TMEM178B: variants seen among roughly 807,000 people sequenced by gnomAD.
TMEM178B encodes transmembrane protein 178B.
In TMEM178B, 5 loss-of-function variants were observed where a neutral mutation model predicts 31.0. The observed-to-expected ratio is 0.16, with a 90% CI of 0.08 to 0.34. The LOEUF is 0.34. Ranked by LOEUF, TMEM178B falls within the 10% of genes least tolerant of loss-of-function variation. The pLI is 1.00. For synonymous variants in TMEM178B, 164 were observed against 164.0 expected, an observed-to-expected ratio of 1.00 and a Z score of 0.00; for missense variants, 275 against 400.3, an observed-to-expected ratio of 0.69 and a Z score of 2.67.
chr7:141,396,583 C>T lies in TMEM178B; in HGVS notation c.497-41025C>T, dbSNP rs77120313. Among the ~76,000 whole-genome samples, 115 of 152,324 alleles carry T rather than the reference C, an allele frequency of 7.5e-4. No homozygotes were observed. The East Asian group carries it at 0.01, about 14-fold the overall frequency. ...CTGGGACTAGAAAAGTTTCAACCCA[C>T]GCTTGGGCTGACCACTGCCTTTCTT... On this transcript the variant is annotated intron_variant, in intron 2 of 3. Transcript: ENST00000565468.
intron 1 of TMEM178B, among the ~76,000 whole-genome samples, chr7:141,137,239 A>G (rs1795689218): frequency 6.6e-6 from 1 of 152,208 alleles, no homozygotes; most frequent in Non-Finnish European, 1.5e-5. Flanking sequence ...AGAAATCAGT[A>G]TATCAAAGGG....
At chr7:141,188,228 T>C (rs552713299) in intron 1 of TMEM178B, among the ~76,000 whole-genome samples, 49 of 152,172 alleles carry the variant, frequency 3.2e-4, no homozygotes, top group Non-Finnish European at 6.0e-4. Context: ...CCCGAACTCA[T>C]TGGATCATCA....
chr7:141,188,107 A>G lies in TMEM178B; in HGVS notation c.383-24484A>G, dbSNP rs62486657. On this transcript the variant is annotated intron_variant, in intron 1 of 3. Transcript: ENST00000565468. ...CATTTAAGTCTTTAATCCATCTTGA[A>G]TTAATTTTTGTATAAGGTGTAAGCA... Among the ~76,000 whole-genome samples, 1,282 of 152,242 alleles carry G rather than the reference A, an allele frequency of 8.4e-3. 7 individuals carry two copies. Among genetic ancestry groups the G allele is most frequent in the Non-Finnish European group, 0.012 (832 of 68,016 alleles).
intron 1 of TMEM178B, among the ~76,000 whole-genome samples, chr7:141,198,103 A>G (rs557418982): frequency 6.6e-6 from 1 of 152,340 alleles, no homozygotes; most frequent in East Asian, 1.9e-4. Flanking sequence ...AGCATTATGT[A>G]ACTCCTTTTT....
intron 2 of TMEM178B, among the ~76,000 whole-genome samples, chr7:141,332,930 T>C (rs1218751162): frequency 6.6e-6 from 1 of 152,218 alleles, no homozygotes; most frequent in Non-Finnish European, 1.5e-5. Flanking sequence ...ATAGTTTTAG[T>C]AGGTTGCAGG....
intron 2 of TMEM178B, among the ~76,000 whole-genome samples, chr7:141,351,685 A>G (rs761498943): frequency 7.2e-5 from 11 of 152,198 alleles, no homozygotes; most frequent in Non-Finnish European, 1.5e-4. Context: ...ACCATTTTAC[A>G]TCAATCTGAA....
chr7:141,185,150 G>A (rs1187476179), intron 1 of TMEM178B, among the ~76,000 whole-genome samples: 1 of 152,202 alleles, frequency 6.6e-6, no homozygotes, highest in Non-Finnish European at 1.5e-5. Context: ...ATCTAGGGGT[G>A]AATGTTTACA....
intron 2 of TMEM178B, among the ~76,000 whole-genome samples, chr7:141,317,067 CT>C (rs141545060): frequency 0.17 from 25,300 of 152,018 alleles, 2,480 homozygotes; most frequent in Middle Eastern, 0.23. Flanking sequence ...TAAATATTTC[CT>C]TTTTTTTCCT....
chr7:141,290,259 C>T (rs1798522858), intron 2 of TMEM178B, among the ~76,000 whole-genome samples: 1 of 152,196 alleles, frequency 6.6e-6, no homozygotes, highest in Non-Finnish European at 1.5e-5. Context: ...ATGTGTTCAC[C>T]CCAATTCAAA....
chr7:141,216,327 G>A (rs2129188524), intron 2 of TMEM178B, among the ~76,000 whole-genome samples: 1 of 152,234 alleles, frequency 6.6e-6, no homozygotes, highest in South Asian at 2.1e-4. Context: ...TGACTAGCAG[G>A]TGAAAGGGTA....
At chr7:141,289,869 T>C (rs1798516782) in intron 2 of TMEM178B, among the ~76,000 whole-genome samples, 1 of 151,928 alleles carries the variant, frequency 6.6e-6, no homozygotes, top group African/African-American at 2.4e-5. Context: ...GCATGGTAGC[T>C]CATGCCTATA....
At chr7:141,390,036 G>C (rs1433583293) in intron 2 of TMEM178B, among the ~76,000 whole-genome samples, 1 of 152,030 alleles carries the variant, frequency 6.6e-6, no homozygotes, top group Non-Finnish European at 1.5e-5. Flanking sequence ...TACCACTAAG[G>C]GACATTGTAG....
At chr7:141,498,884 T>C in the TMEM178B span, among the ~76,000 whole-genome samples, 2 of 152,160 alleles carry the variant, frequency 1.3e-5, no homozygotes, top group Non-Finnish European at 2.9e-5. Flanking sequence ...TGAGGAATCA[T>C]GAAAGAGATA....
intron 2 of TMEM178B, among the ~76,000 whole-genome samples, chr7:141,384,183 A>C (rs1800386896): frequency 6.6e-6 from 1 of 152,018 alleles, no homozygotes; most frequent in African/African-American, 2.4e-5. Flanking sequence ...GTTCACTCTG[A>C]TGGTAGTTTC....
In TMEM178B at chr7:141,280,374, C is replaced by T. The variant is rs143388749; in HGVS notation, c.496+67670C>T. Reference sequence around the variant, plus strand: ...ATTCCTACGTGTTGTGGGATGGACCCGTGGGAGATAACAGAATCATGGGGG... The same window carrying T: ...ATTCCTACGTGTTGTGGGATGGACCTGTGGGAGATAACAGAATCATGGGGG... On this transcript the variant is annotated intron_variant, in intron 2 of 3. Coordinates refer to ENST00000565468, the MANE Select transcript of TMEM178B (RefSeq NM_001195278.2). Among the ~76,000 whole-genome samples, 114 of 152,052 alleles carry T rather than the reference C, an allele frequency of 7.5e-4. 1 individual carries two copies. Among genetic ancestry groups the T allele is most frequent in the African/African-American group, 2.6e-3 (106 of 41,490 alleles).
At chr7:141,352,261 C>T (rs190521260) in intron 2 of TMEM178B, 2 of 152,406 alleles carry the variant, frequency 1.3e-5, no homozygotes, top group East Asian at 3.9e-4. Flanking sequence ...AATTGTTGAC[C>T]TCATCCAGGA....
rs575897760 is a variant in TMEM178B, at chr7:141,318,295, C to T, written c.496+105591C>T. 2.0e-5 allele frequency among the ~76,000 whole-genome samples: 3 copies of T among 152,160 alleles called. No individual in the cohort carries two copies. The highest frequency in any genetic ancestry group is 4.4e-5 in the Non-Finnish European group (3 of 68,028). On this transcript the variant is annotated intron_variant, in intron 2 of 3. Transcript: ENST00000565468. This position sits in a 1 kb window ranked among gnomAD's most constrained non-coding sequence, Gnocchi z 4.1. ...TAAAGTATGATGATGGCTGGCCATT[C>T]TTTCTTATAACCCATTTTGAGAGTG...
chr7:141,187,571 GTTC>G (rs1356409673), intron 1 of TMEM178B, among the ~76,000 whole-genome samples: 4 of 152,112 alleles, frequency 2.6e-5, no homozygotes, highest in Non-Finnish European at 5.9e-5. Flanking sequence ...GTGTAAAAGT[GTTC>G]TTATTTCTCC....
rs558725613 is a variant in TMEM178B, at chr7:141,293,993, C to A, written c.496+81289C>A. 3.0e-4 allele frequency among the ~76,000 whole-genome samples: 46 copies of A among 152,218 alleles called. No homozygotes were observed. In the South Asian group the frequency reaches 9.2e-3, roughly 30 times the overall value. On this transcript the variant is annotated intron_variant, in intron 2 of 3. Transcript: ENST00000565468. ...GTTCTGCTGTTTGACATTTCTACCC[C>A]CTGCAATTCTGTCAGGAGAAATAGG...
Sources: allele counts gnomAD v4.1 joint callset (sites outside exome capture counted in the v4.1 genomes callset), GRCh38; gene constraint gnomAD v4.1.1; non-coding constraint Gnocchi (gnomAD v3.1); transcripts MANE v1.5; gene names NCBI Gene and HGNC (gene_info 2026-07-23, HGNC 2026-07-21).